The following POGZ variants were observed in gnomAD, a reference collection of about 807,000 sequenced individuals.
POGZ encodes pogo transposable element derived with ZNF domain.
Under a neutral mutation model 134.6 loss-of-function variants are expected in POGZ, and 17 were observed. The ratio of observed to expected loss-of-function variants is 0.13; its 90% CI spans 0.09 to 0.19. The LOEUF is 0.19. Ranked by LOEUF, POGZ falls within the 10% of genes least tolerant of loss-of-function variation. POGZ has a pLI of 1.00. For missense variants in POGZ, 1,306 were observed against 1,769.7 expected, an observed-to-expected ratio of 0.74 and a Z score of 4.70; for synonymous variants, 693 against 657.1, an observed-to-expected ratio of 1.05 and a Z score of -0.84.
chr1:151,411,612 T>G lies in POGZ; in HGVS notation c.1926+13A>C. 6.4e-7 allele frequency: 1 copy of G among 1,572,236 alleles called. No individual in the cohort carries two copies. On this transcript the variant is annotated intron_variant, in intron 12 of 18. Transcript: ENST00000271715. ...AAAACAAGAGAATATGGGAATTGCT[T>G]GGTGCCTAGTACCTGGTGCCTCATG...
intron 1 of POGZ, 29 bp from the exon 2 acceptor site, chr1:151,442,234 G>A: frequency 6.2e-7 from 1 of 1,602,512 alleles, no homozygotes; most frequent in Non-Finnish European, 8.5e-7. Context: ...AATAAGATAT[G>A]GGCCTAAGAA....
At chr1:151,458,550 G>T (rs1663051825) in intron 1 of POGZ, among the ~76,000 whole-genome samples, 1 of 151,296 alleles carries the variant, frequency 6.6e-6, no homozygotes, top group South Asian at 2.1e-4. Flanking sequence ...ACTCCTTCTC[G>T]GAGCGGGAAT....
At chr1:151,409,149 G>A (rs1379844222) in intron 12 of POGZ, among the ~76,000 whole-genome samples, 1 of 149,432 alleles carries the variant, frequency 6.7e-6, no homozygotes, top group Non-Finnish European at 1.5e-5. Flanking sequence ...GCTGACAACT[G>A]GACATTCTTC....
In POGZ at chr1:151,406,894, C is replaced by T. The variant is rs1189985920; in HGVS notation, c.2545+17G>A. The T allele has an allele frequency of 6.3e-7, 1 of 1,579,544 alleles. No homozygotes were observed. The highest frequency in any genetic ancestry group is 1.7e-5 in the Admixed American group (1 of 59,948). ...TTTCCTCCCCTTGCTCAACTAATCC[C>T]CTTCTCTCCTACTTACCCCGTGGCA... On this transcript the variant is annotated intron_variant, in intron 17 of 18. Transcript: ENST00000271715.
intron 10 of POGZ, among the ~76,000 whole-genome samples, chr1:151,417,019 A>C (rs771809241): frequency 6.6e-5 from 10 of 152,086 alleles, no homozygotes; most frequent in Non-Finnish European, 1.5e-4. Context: ...ATTTTTAAAT[A>C]AAGTAGGTAT....
Position 151,406,274 on chromosome 1 carries a change from G to A in POGZ, c.2761C>T (p.Pro921Ser), listed in dbSNP as rs1653582055. ...AGGGCTAAAGCCTGCGGGTGAGTGG[G>A]GGTTGGTGGTGGGGTTGCAGTTGAG... ...PASTATPPPT[P>S]THPQALALPP... The change falls in exon 19 of 19, where the codon CCC becomes TCC. Residue 921 changes from proline to serine, a missense_variant. Coordinates refer to ENST00000271715, the MANE Select transcript of POGZ (RefSeq NM_015100.4). 1 of 1,612,584 alleles carries A rather than the reference G, an allele frequency of 6.2e-7. No homozygotes were observed.
intron 15 of POGZ, among the ~76,000 whole-genome samples, chr1:151,407,731 G>C (rs910574036): frequency 6.6e-6 from 1 of 152,124 alleles, no homozygotes; most frequent in African/African-American, 2.4e-5. Context: ...GGCTGGGGCC[G>C]GGCGCAGTGG....
In POGZ at chr1:151,440,915, T is replaced by C. The variant is rs766804019; in HGVS notation, c.283+13A>G. Reference sequence around the variant, plus strand: ...CTAGCCCAGGATTATTATTTCCCAATAATCCCACTTACCATTGTTGTTGGC... The same window carrying C: ...CTAGCCCAGGATTATTATTTCCCAACAATCCCACTTACCATTGTTGTTGGC... On this transcript the variant is annotated intron_variant, in intron 3 of 18. Transcript: ENST00000271715. The C allele has an allele frequency of 1.2e-6, 2 of 1,609,976 alleles. No individual in the cohort carries two copies. Among genetic ancestry groups the C allele is most frequent in the Non-Finnish European group, 1.7e-6 (2 of 1,176,544 alleles).
intron 9 of POGZ, 101 bp downstream of exon 9, chr1:151,423,848 T>G: frequency 1.2e-6 from 1 of 860,768 alleles, no homozygotes; most frequent in South Asian, 1.8e-5. Flanking sequence ...CAAGACTGCA[T>G]AGTAGTTAGG....
chr1:151,423,318 T>C (rs769044931), intron 10 of POGZ, 79 bp downstream of exon 10: 169 of 1,215,426 alleles, frequency 1.4e-4, no homozygotes, highest in Non-Finnish European at 1.9e-4. Flanking sequence ...TAAATAAATA[T>C]AATGGGCTCC....
Position 151,456,179 on chromosome 1 carries a change from T to C in POGZ, c.-2+2973A>G, listed in dbSNP as rs182963995. 2.2e-3 allele frequency among the ~76,000 whole-genome samples: 336 copies of C among 152,344 alleles called. 2 individuals are homozygous for C. Among genetic ancestry groups the C allele is most frequent in the Non-Finnish European group, 3.6e-3 (242 of 68,042 alleles). Reference sequence around the variant, plus strand: ...GCCTTTGCTTGATTTTGCAACATCATGCATTGGTCATTTGCAAAGCCTAGA... The same window carrying C: ...GCCTTTGCTTGATTTTGCAACATCACGCATTGGTCATTTGCAAAGCCTAGA... On this transcript the variant is annotated intron_variant, in intron 1 of 18. Transcript: ENST00000271715.
At chr1:151,440,869 C>G (rs1660417727) in intron 3 of POGZ, 59 bp downstream of exon 3, 3 of 1,483,894 alleles carry the variant, frequency 2.0e-6, no homozygotes, top group Non-Finnish European at 2.8e-6. Context: ...TCCCTGAGAC[C>G]TTTTTTATTC....
chr1:151,452,353 T>A (rs1362761181), intron 1 of POGZ, among the ~76,000 whole-genome samples: 1 of 151,632 alleles, frequency 6.6e-6, no homozygotes, highest in Non-Finnish European at 1.5e-5. Flanking sequence ...TACATAGATA[T>A]TTGGCTTTTT....
intron 10 of POGZ, among the ~76,000 whole-genome samples, chr1:151,416,952 T>TATTTAATATTTA (rs1220124702): frequency 6.6e-6 from 1 of 152,034 alleles, no homozygotes; most frequent in Non-Finnish European, 1.5e-5. Context: ...ATTAAGATGA[T>TATTTAATATTTA]ACTGTTATCA....
intron 1 of POGZ, among the ~76,000 whole-genome samples, chr1:151,443,590 T>C (rs1192645539): frequency 6.6e-6 from 1 of 152,090 alleles, no homozygotes; most frequent in Non-Finnish European, 1.5e-5. Context: ...GGTGCATGCC[T>C]GTAATCCCGG....
intron 16 of POGZ, 105 bp from the exon 17 acceptor site, chr1:151,407,128 C>A: frequency 8.1e-7 from 1 of 1,232,656 alleles, no homozygotes; most frequent in South Asian, 1.3e-5. Flanking sequence ...CCACTTTCTC[C>A]TTTTTCTGAA....
intron 1 of POGZ, among the ~76,000 whole-genome samples, chr1:151,456,718 C>T (rs1205886737): frequency 1.3e-5 from 2 of 152,074 alleles, no homozygotes; most frequent in African/African-American, 4.8e-5. Context: ...TTTGGGACGC[C>T]GAGGCAGGTG....
intron 1 of POGZ, among the ~76,000 whole-genome samples, chr1:151,454,036 G>T (rs1366050991): frequency 6.6e-6 from 1 of 152,168 alleles, no homozygotes; most frequent in Non-Finnish European, 1.5e-5. Context: ...CTTGGTTCTT[G>T]AAAGCTCTGA....
At chr1:151,443,761 C>A (rs1311928353) in intron 1 of POGZ, among the ~76,000 whole-genome samples, 1 of 152,130 alleles carries the variant, frequency 6.6e-6, no homozygotes, top group Non-Finnish European at 1.5e-5. Context: ...GTCTGTATCT[C>A]TGCATTGCAA....
Sources: allele counts gnomAD v4.1 joint callset (sites outside exome capture counted in the v4.1 genomes callset), GRCh38; gene constraint gnomAD v4.1.1; transcripts MANE v1.5; gene names NCBI Gene and HGNC (gene_info 2026-07-23, HGNC 2026-07-21).